Variants in UPK1B observed in about 807,000 individuals in gnomAD.
UPK1B encodes the protein uroplakin-1b.
In UPK1B, 28 loss-of-function variants were observed where a neutral mutation model predicts 34.2. The ratio of observed to expected loss-of-function variants is 0.82; its 90% CI spans 0.61 to 1.12. UPK1B has a LOEUF of 1.12. Among genes scored for constraint, UPK1B ranks in the 50% most tolerant of loss-of-function variants. The probability of loss-of-function intolerance (pLI) is 0.00; values close to 1 mark genes in which losing one functional copy is unlikely to be tolerated. For synonymous variants in UPK1B, 81 were observed against 110.4 expected (o/e 0.73, Z 1.67); for missense variants, 325 against 320.9 (o/e 1.01, Z -0.10).
chr3:119,200,170 T>C (rs2107438523), intron 7 of UPK1B, among the ~76,000 whole-genome samples: 1 of 152,294 alleles, frequency 6.6e-6, no homozygotes, highest in South Asian at 2.1e-4. Context: ...GCTTTAATAA[T>C]ATTCACCCAG....
intron 5 of UPK1B, 149 bp downstream of exon 5, chr3:119,191,253 T>A: frequency 1.0e-6 from 1 of 965,344 alleles, no homozygotes; most frequent in Non-Finnish European, 1.5e-6. Context: ...AAACTTAGGT[T>A]AATCATACAC....
Position 119,191,112 on chromosome 3 carries a change from C to T in UPK1B, c.468+8C>T. 1 of 1,613,758 alleles carries T rather than the reference C, an allele frequency of 6.2e-7. No individual in the cohort carries two copies. The highest frequency in any genetic ancestry group is 8.5e-7 in the Non-Finnish European group (1 of 1,179,770). ...GACAGGCTCATGCTCCAGGTAAGACCTGTGGTCTTGGGGAGATGCCATTTT... is the reference window on the plus strand; with the variant it reads ...GACAGGCTCATGCTCCAGGTAAGACTTGTGGTCTTGGGGAGATGCCATTTT... On this transcript the variant is annotated splice_region_variant and intron_variant, in intron 5 of 7. Transcript: ENST00000264234.
chr3:119,175,620 G>A (rs964380496), intron 1 of UPK1B, among the ~76,000 whole-genome samples: 7 of 143,606 alleles, frequency 4.9e-5, no homozygotes, highest in East Asian at 2.1e-4. Context: ...TGAGGCCCTC[G>A]TGCAACTGAG....
intron 1 of UPK1B, among the ~76,000 whole-genome samples, chr3:119,180,996 A>C (rs1360534320): frequency 6.6e-6 from 1 of 152,232 alleles, no homozygotes. Context: ...CAGACTTTGT[A>C]AGGTCAGCTT....
chr3:119,199,950 C>A (rs4482662), intron 7 of UPK1B, among the ~76,000 whole-genome samples: 4 of 152,056 alleles, frequency 2.6e-5, no homozygotes, highest in Admixed American at 1.3e-4. Flanking sequence ...AAATAATAAG[C>A]CCATTAAAAG....
intron 5 of UPK1B, 73 bp downstream of exon 5, chr3:119,191,177 T>C: frequency 6.6e-7 from 1 of 1,510,480 alleles, no homozygotes; most frequent in Non-Finnish European, 9.0e-7. Flanking sequence ...CATGACTCAG[T>C]GGGACCCTAT....
Position 119,199,284 on chromosome 3 carries a change from GGAA to G in UPK1B, c.732+149_732+151del, listed in dbSNP as rs1184612797. On this transcript the variant is annotated intron_variant, in intron 7 of 7. Coordinates refer to ENST00000264234, the MANE Select transcript of UPK1B (RefSeq NM_006952.4). ...GGCTAGTCAGGAAACTTCTGGCACCGGAAGAAGGACAGTGGGTTCTCTTGAGAG... is the reference window on the plus strand; with the variant it reads ...GGCTAGTCAGGAAACTTCTGGCACCGGAAGGACAGTGGGTTCTCTTGAGAG... 8 of 882,124 alleles carry G rather than the reference GGAA, an allele frequency of 9.1e-6. No individual in the cohort carries two copies. The South Asian group carries it at 1.0e-4, about 12-fold the overall frequency. 54.6% of individuals were successfully genotyped at this position (882,124 alleles called of 1,614,324 possible).
rs921508699 is a variant in UPK1B, at chr3:119,204,079, A to G, written c.*112A>G. ...TGCCCCACACTAACGTGTGTGTCTT[A>G]CATTGCCAAGTCAGATGGTACGGAC... On this transcript the variant is annotated 3_prime_UTR_variant, in exon 8 of 8. Coordinates refer to ENST00000264234, the MANE Select transcript of UPK1B (RefSeq NM_006952.4). 8.0e-7 allele frequency: 1 copy of G among 1,249,032 alleles called. No homozygotes were observed. Among genetic ancestry groups the G allele is most frequent in the South Asian group, 1.2e-5 (1 of 80,904 alleles). 77.4% of individuals were successfully genotyped at this position (1,249,032 alleles called of 1,614,324 possible). A position where few individuals can be genotyped will look rare whatever the true frequency, so the allele number is the denominator to read the frequency against.
chr3:119,187,244 G>T (rs893978932), intron 2 of UPK1B, among the ~76,000 whole-genome samples: 4 of 151,590 alleles, frequency 2.6e-5, no homozygotes, highest in Admixed American at 2.0e-4. Flanking sequence ...TACTGTGTGG[G>T]TCTGGTGGCA....
chr3:119,174,994 T>A (rs2077947587), intron 1 of UPK1B, among the ~76,000 whole-genome samples: 1 of 141,098 alleles, frequency 7.1e-6, no homozygotes, highest in Non-Finnish European at 1.6e-5. Context: ...ACTCAGAACT[T>A]TTTTTTTCTT....
chr3:119,201,804 A>G (rs747245253), intron 7 of UPK1B, among the ~76,000 whole-genome samples: 34 of 152,326 alleles, frequency 2.2e-4, no homozygotes, highest in Non-Finnish European at 3.4e-4. Flanking sequence ...ATGATGATGT[A>G]TTTGACTGCA....
At chr3:119,183,078 T>C (rs1302947563) in intron 1 of UPK1B, among the ~76,000 whole-genome samples, 1 of 152,084 alleles carries the variant, frequency 6.6e-6, no homozygotes, top group Non-Finnish European at 1.5e-5. Flanking sequence ...AGCAGGGAAA[T>C]GTGTCTGTTC....
Position 119,190,945 on chromosome 3 carries a change from C to T in UPK1B, c.346-37C>T, listed in dbSNP as rs141877262. On this transcript the variant is annotated intron_variant, in intron 4 of 7. Transcript: ENST00000264234. ...TTTCCTCTCCTTGAAAATTAGCGTGCTATCTCTCCCTCTTGTGTTGCCTCT... is the reference window on the plus strand; with the variant it reads ...TTTCCTCTCCTTGAAAATTAGCGTGTTATCTCTCCCTCTTGTGTTGCCTCT... 5.8e-4 allele frequency: 938 copies of T among 1,607,338 alleles called. 7 individuals carry two copies. In the African/African-American group the frequency reaches 0.012, roughly 20 times the overall value.
chr3:119,180,377 A>G (rs2077983999), intron 1 of UPK1B, among the ~76,000 whole-genome samples: 1 of 152,176 alleles, frequency 6.6e-6, no homozygotes, highest in Admixed American at 6.5e-5. Context: ...ACCAAACACC[A>G]TATCCAAGCC....
intron 7 of UPK1B, among the ~76,000 whole-genome samples, chr3:119,202,047 C>G (rs1013923458): frequency 1.3e-5 from 2 of 152,098 alleles, no homozygotes; most frequent in African/African-American, 4.8e-5. Flanking sequence ...TTAATTCCCT[C>G]TTGAAATTCA....
chr3:119,176,307 T>C (rs2077956282), intron 1 of UPK1B, among the ~76,000 whole-genome samples: 1 of 152,244 alleles, frequency 6.6e-6, no homozygotes, highest in Non-Finnish European at 1.5e-5. Context: ...TCATGCTTAC[T>C]GGGCGAGTCT....
intron 1 of UPK1B, among the ~76,000 whole-genome samples, chr3:119,179,505 G>GTTTTTTTTTTTTTTTT (rs1293357139): frequency 4.4e-5 from 2 of 45,242 alleles, no homozygotes; most frequent in African/African-American, 7.1e-5. Flanking sequence ...TGATGTTGCA[G>GTTTTTTTTTTTTTTTT]TCTTTTTTTT....
chr3:119,201,852 C>T (rs2078092452), intron 7 of UPK1B, among the ~76,000 whole-genome samples: 2 of 152,118 alleles, frequency 1.3e-5, no homozygotes, highest in Admixed American at 1.3e-4. Flanking sequence ...ACCCCCAGTG[C>T]CAAGCATAGC....
chr3:119,198,374 C>T (rs2078075930), intron 6 of UPK1B, among the ~76,000 whole-genome samples: 1 of 152,174 alleles, frequency 6.6e-6, no homozygotes, highest in African/African-American at 2.4e-5. Flanking sequence ...TCTAGCCTTA[C>T]ATGCGTGTAT....
Sources: gnomAD v4.1 joint callset for allele counts (sites outside exome capture counted in the v4.1 genomes callset) on GRCh38, gnomAD v4.1.1 for gene constraint, MANE v1.5 for transcripts, NCBI Gene and HGNC (gene_info 2026-07-23, HGNC 2026-07-21) for gene names.